Variants in JAK3 observed in about 807,000 individuals in gnomAD.
The protein encoded by JAK3 is Janus kinase 3.
JAK3 carries 88 observed loss-of-function variants against 120.8 expected under a neutral mutation model. That is an observed-to-expected ratio of 0.73 (90% CI 0.61 to 0.87). The LOEUF is 0.87. Among genes scored for constraint, JAK3 ranks in the 40% least tolerant of loss-of-function variants. JAK3 has a pLI of 0.00. For synonymous variants in JAK3, 592 were observed against 628.6 expected (o/e 0.94, Z 0.87); for missense variants, 1,254 against 1,501.4 (o/e 0.84, Z 2.72).
At position 17,832,916 on chromosome 19, in the gene JAK3, G is replaced by A. The variant is rs777840698; in HGVS notation, c.2364C>T (p.Leu788=). 8 of 1,613,782 alleles carry A rather than the reference G, an allele frequency of 5.0e-6. No individual in the cohort carries two copies. In the Admixed American group the frequency reaches 1.3e-4, roughly 27 times the overall value. ...NSLISSDYEL[L]SDPTPGALAP... ...CCAGGGCACCAGGTGTGGGGTCTGA[G>A]AGGAGCTCATAGTCTGGGGTGGGGG... The change falls in exon 18 of 24, where the codon CTC becomes CTT. Residue 788 remains leucine (L), a synonymous_variant. Transcript: ENST00000458235. The surrounding 1 kb of genome is among the most constrained non-coding windows in gnomAD (Gnocchi z 4.7).
In JAK3 at chr19:17,841,846, A is replaced by T; in HGVS notation, c.862-84T>A. 3 of 1,570,766 alleles carry T rather than the reference A, an allele frequency of 1.9e-6. No homozygotes were observed. Among genetic ancestry groups the T allele is most frequent in the Admixed American group, 3.4e-5 (2 of 59,006 alleles). On this transcript the variant is annotated intron_variant, in intron 6 of 23. Transcript: ENST00000458235. This position sits in a 1 kb window ranked among gnomAD's most constrained non-coding sequence, Gnocchi z 4.1. ...CATGAACCCACCCCCAAGCCACACC[A>T]TCCACTCCCTATCCCTTTGCCATTC...
chr19:17,826,539 C>T lies in JAK3; in HGVS notation c.*204G>A, dbSNP rs2094204211. ...TCAGAGAGCCCCACTGACACATATGCCCATCTGTCTTGAACCTTAACAAAT... is the reference window on the plus strand; with the variant it reads ...TCAGAGAGCCCCACTGACACATATGTCCATCTGTCTTGAACCTTAACAAAT... On this transcript the variant is annotated 3_prime_UTR_variant, in exon 24 of 24. Transcript: ENST00000458235. 38 of 627,934 alleles carry T rather than the reference C, an allele frequency of 6.1e-5. 1 individual carries two copies. In the South Asian group the frequency reaches 6.4e-4, roughly 11 times the overall value. 38.9% of individuals were successfully genotyped at this position (627,934 alleles called of 1,614,324 possible). A position where few individuals can be genotyped will look rare whatever the true frequency, so the allele number is the denominator to read the frequency against.
chr19:17,830,836 G>A (rs1490218740), intron 21 of JAK3, among the ~76,000 whole-genome samples: 1 of 108,056 alleles, frequency 9.3e-6, no homozygotes, highest in Non-Finnish European at 1.9e-5. Flanking sequence ...GGCGGGGGCA[G>A]CACGGAGGGG....
rs534651051 is a variant in JAK3, at chr19:17,833,088, G to A, written c.2351-159C>T. 3.5e-3 allele frequency among the ~76,000 whole-genome samples: 532 copies of A among 152,346 alleles called. 2 individuals are homozygous for A. Among genetic ancestry groups the A allele is most frequent in the Non-Finnish European group, 6.4e-3 (438 of 68,034 alleles). ...GGGTACCTTGTGGAGACTGGAAAAA[G>A]GTGTCTCCCACTCTGTCCCAGGCAA... is the stretch of plus-strand genomic sequence containing the variant. On this transcript the variant is annotated intron_variant, in intron 17 of 23. Transcript: ENST00000458235.
intron 17 of JAK3, among the ~76,000 whole-genome samples, chr19:17,833,542 G>GAAAAAAAAAAAAAAAAAAAAAAAA (rs58330868): frequency 2.7e-5 from 2 of 74,638 alleles, no homozygotes. Context: ...CCCCATCACA[G>GAAAAAAAAAAAAAAAAAAAAAAAA]AAAAAAAAAA....
chr19:17,831,929 A>C lies in JAK3; in HGVS notation c.2681-131T>G. The C allele has an allele frequency of 9.5e-7, 1 of 1,051,918 alleles. No individual in the cohort carries two copies. Among genetic ancestry groups the C allele is most frequent in the Non-Finnish European group, 1.4e-6 (1 of 695,112 alleles). 65.2% of individuals were successfully genotyped at this position (1,051,918 alleles called of 1,614,324 possible). A position where few individuals can be genotyped will look rare whatever the true frequency, so the allele number is the denominator to read the frequency against. ...TGACTGTAATATGGGAACCGCAACA[A>C]TGACACATTGCTAATATCTCTTGAG... is the stretch of plus-strand genomic sequence containing the variant. On this transcript the variant is annotated intron_variant, in intron 19 of 23. Coordinates refer to ENST00000458235, the MANE Select transcript of JAK3 (RefSeq NM_000215.4). The surrounding 1 kb of genome is among the most constrained non-coding windows in gnomAD (Gnocchi z 5.1).
Position 17,841,804 on chromosome 19 carries a change from C to A in JAK3, c.862-42G>T. ...GTACCGAAGTGGGGGCCCAGCTGGA[C>A]CCCGCCAAACCACGCCCATGAACCC... On this transcript the variant is annotated intron_variant, in intron 6 of 23. Transcript: ENST00000458235. The surrounding 1 kb of genome is among the most constrained non-coding windows in gnomAD (Gnocchi z 4.1). 6.3e-7 allele frequency: 1 copy of A among 1,598,214 alleles called. No homozygotes were observed. Among genetic ancestry groups the A allele is most frequent in the Non-Finnish European group, 8.5e-7 (1 of 1,179,572 alleles).
Position 17,843,095 on chromosome 19 carries a change from G to A in JAK3, c.498C>T (p.Ala166=), listed in dbSNP as rs201527800. ...LKEQGECLSL[A]VLDLARMARE... ...GCGCCATCCGGGCCAGGTCCAACAC[G>A]GCCAGGCTGAGACACTCACCCTGCT... The change falls in exon 5 of 24, where the codon GCC becomes GCT. Residue 166 remains alanine (A), a synonymous_variant. Coordinates refer to ENST00000458235, the MANE Select transcript of JAK3 (RefSeq NM_000215.4). This position sits in a 1 kb window ranked among gnomAD's most constrained non-coding sequence, Gnocchi z 5.4. The A allele has an allele frequency of 3.1e-6, 5 of 1,610,392 alleles. No individual in the cohort carries two copies. Among genetic ancestry groups the A allele is most frequent in the Admixed American group, 3.3e-5 (2 of 59,972 alleles).
In JAK3 at chr19:17,841,895, C is replaced by T; in HGVS notation, c.862-133G>A. The stretch of plus-strand genomic sequence containing the variant: ...TCAACCCTTCCAAGCCGCGCCCCCT[C>T]CTATCAACTCCAACCTCTCAACACC... On this transcript the variant is annotated intron_variant, in intron 6 of 23. Transcript: ENST00000458235. The surrounding 1 kb of genome is among the most constrained non-coding windows in gnomAD (Gnocchi z 4.1). 4.1e-6 allele frequency: 5 copies of T among 1,223,344 alleles called. No individual in the cohort carries two copies. In the South Asian group the frequency reaches 6.9e-5, roughly 17 times the overall value. The allele number at this position is 1,223,344 out of a possible 1,614,324, so 75.8% of individuals were successfully genotyped here.
chr19:17,847,639 C>CCCCAATCCCTCCTT (rs1238392136), intron 1 of JAK3, among the ~76,000 whole-genome samples: 3 of 152,170 alleles, frequency 2.0e-5, no homozygotes, highest in Admixed American at 1.3e-4. Flanking sequence ...GAACTCCGCC[C>CCCCAATCCCTCCTT]CCCAATCCCT....
intron 17 of JAK3, among the ~76,000 whole-genome samples, chr19:17,834,135 G>A (rs1031217202): frequency 2.0e-5 from 3 of 152,020 alleles, no homozygotes; most frequent in Admixed American, 1.3e-4. Context: ...ATCACCTGAG[G>A]TCAAGAGTTC....
At chr19:17,835,793 A>C in intron 14 of JAK3, 131 bp downstream of exon 14, 1 of 1,118,390 alleles carries the variant, frequency 8.9e-7, no homozygotes, top group Non-Finnish European at 1.3e-6. Flanking sequence ...CACAACCTGA[A>C]CCTAAAATGC....
In JAK3 at chr19:17,829,727, G is replaced by T. The variant is rs1354194223; in HGVS notation, c.3207+381C>A. 1.8e-5 allele frequency: 7 copies of T among 379,716 alleles called. No homozygotes were observed. In the South Asian group the frequency reaches 3.1e-4, roughly 17 times the overall value. 23.5% of individuals were successfully genotyped at this position (379,716 alleles called of 1,614,324 possible). A position where few individuals can be genotyped will look rare whatever the true frequency, so the allele number is the denominator to read the frequency against. Reference sequence around the variant, plus strand: ...GTGAGCTATAATTGCACCCCAGCCTGGGCAACAGAGTGAGCCCCCATCTAT... The same window carrying T: ...GTGAGCTATAATTGCACCCCAGCCTTGGCAACAGAGTGAGCCCCCATCTAT... On this transcript the variant is annotated intron_variant, in intron 23 of 23. Coordinates refer to ENST00000458235, the MANE Select transcript of JAK3 (RefSeq NM_000215.4).
intron 9 of JAK3, 55 bp from the exon 10 acceptor site, chr19:17,839,718 A>C: frequency 3.9e-5 from 49 of 1,270,140 alleles, no homozygotes; most frequent in Non-Finnish European, 4.6e-5. Flanking sequence ...TCTCCTTCTC[A>C]GTCCTTCTTC....
chr19:17,827,113 G>A (rs1278625962), intron 23 of JAK3, among the ~76,000 whole-genome samples: 2 of 152,010 alleles, frequency 1.3e-5, no homozygotes, highest in Non-Finnish European at 2.9e-5. Context: ...CTGAGTAGCT[G>A]GGATTATAGG....
chr19:17,836,168 C>A, intron 13 of JAK3, 117 bp from the exon 14 acceptor site: 1 of 1,171,878 alleles, frequency 8.5e-7, no homozygotes, highest in East Asian at 2.4e-5. Context: ...TCTGTTCCCT[C>A]CCCTGCTGCC....
chr19:17,844,471 G>A (rs199810637), intron 1 of JAK3, 41 bp from the exon 2 acceptor site: 373 of 1,544,866 alleles, frequency 2.4e-4, no homozygotes, highest in South Asian at 5.9e-4. Flanking sequence ...CCTGGTCAGA[G>A]GGGATTGGAC....
intron 12 of JAK3, 71 bp from the exon 13 acceptor site, chr19:17,837,284 A>G (rs1209312078): frequency 1.6e-6 from 2 of 1,264,228 alleles, no homozygotes; most frequent in African/African-American, 1.5e-5. Flanking sequence ...TTTTGTGCTC[A>G]CAGACCTGCC....
intron 1 of JAK3, among the ~76,000 whole-genome samples, chr19:17,844,941 AG>A (rs1388028256): frequency 2.6e-5 from 4 of 152,076 alleles, no homozygotes; most frequent in African/African-American, 9.7e-5. Context: ...CTCAGCACTC[AG>A]GGCCCTCAGC....
Sources: allele counts gnomAD v4.1 joint callset (sites outside exome capture counted in the v4.1 genomes callset), GRCh38; gene constraint gnomAD v4.1.1; non-coding constraint Gnocchi (gnomAD v3.1); transcripts MANE v1.5; gene names NCBI Gene and HGNC (gene_info 2026-07-23, HGNC 2026-07-21).